The following ABCC9 variants were observed in gnomAD, a reference collection of about 807,000 sequenced individuals.
The protein encoded by ABCC9 is ATP binding cassette subfamily C member 9, also known as ATP-binding cassette sub-family C member 9.
In ABCC9, 95 loss-of-function variants were observed where a neutral mutation model predicts 188.3. That is an observed-to-expected ratio of 0.50 (90% CI 0.43 to 0.60). The LOEUF is 0.60. Ranked by LOEUF, ABCC9 falls within the 20% of genes least tolerant of loss-of-function variation. ABCC9 has a pLI of 0.00. For synonymous variants in ABCC9, 659 were observed against 652.7 expected, an observed-to-expected ratio of 1.01 and a Z score of -0.15; for missense variants, 1,102 against 1,876.3, an observed-to-expected ratio of 0.59 and a Z score of 7.62.
chr12:21,806,448 A>G (rs949705964), intron 38 of ABCC9, among the ~76,000 whole-genome samples: 2 of 152,186 alleles, frequency 1.3e-5, no homozygotes, highest in South Asian at 2.1e-4. Context: ...AATTGATGCC[A>G]AAAATTTGGA....
rs560306155 is a variant in ABCC9 at position 21,801,893 on chromosome 12, C to A, written c.4513-712G>T. Among the ~76,000 whole-genome samples the A allele has an allele frequency of 3.5e-4, 54 of 152,252 alleles. No homozygotes were observed. In the South Asian group the frequency reaches 0.011, roughly 32 times the overall value. ...ATGTCTCTCCACTTTATAGGGGAGA[C>A]CATTCACAGAGATAAAGCAAAATCA... On this transcript the variant is annotated intron_variant, in intron 39 of 39. Coordinates refer to ENST00000261200, the MANE Select transcript of ABCC9 (RefSeq NM_020297.4).
chr12:21,827,830 A>G (rs1389147914), intron 31 of ABCC9, among the ~76,000 whole-genome samples: 35 of 152,240 alleles, frequency 2.3e-4, no homozygotes, highest in Admixed American at 2.2e-3. Context: ...TAATTTCTAC[A>G]TAATGACTAA....
rs796171766 is a variant in ABCC9 at position 21,824,942 on chromosome 12, TTTTTGTTGATCTA to T, written c.3669+4003_3669+4015del. Among the ~76,000 whole-genome samples the T allele has an allele frequency of 2.3e-4, 30 of 132,996 alleles. 1 individual carries two copies. In the South Asian group the frequency reaches 7.5e-3, roughly 33 times the overall value. The allele number at this position is 132,996 out of a possible 152,430, so 87.3% of individuals were successfully genotyped here. A position where few individuals can be genotyped will look rare whatever the true frequency, so the allele number is the denominator to read the frequency against. ...TTTTGTTGATCTTTTTTGTTGATCT[TTTTTGTTGATCTA>T]TTTTGTTGATCTTTTCAAAAAACCA... is the stretch of plus-strand genomic sequence containing the variant. On this transcript the variant is annotated intron_variant, in intron 31 of 39. Transcript: ENST00000261200.
In ABCC9 at chr12:21,844,782, A is replaced by T. The variant is rs1301683202; in HGVS notation, c.3230T>A (p.Ile1077Asn). ...NLHHNLLNKIILGPIRFFDTT... is the reference protein window; with the variant it reads ...NLHHNLLNKINLGPIRFFDTT... Reference sequence around the variant, plus strand: ...ACTGTTTTACCTTATTGGTCCAAGGATTATCTTATTGAGAAGGTTGTGGTG... The same window carrying T: ...ACTGTTTTACCTTATTGGTCCAAGGTTTATCTTATTGAGAAGGTTGTGGTG... Residue 1077 changes from isoleucine (I) to asparagine (N), a missense_variant, in exon 27 of 40, where the codon ATC (isoleucine) becomes AAC (asparagine). Coordinates refer to ENST00000261200, the MANE Select transcript of ABCC9 (RefSeq NM_020297.4). 6.2e-7 allele frequency: 1 copy of T among 1,613,960 alleles called. No individual in the cohort carries two copies. The highest frequency in any genetic ancestry group is 8.5e-7 in the Non-Finnish European group (1 of 1,179,864).
chr12:21,885,793 A>G (rs1050955972), intron 15 of ABCC9, among the ~76,000 whole-genome samples: 4 of 152,144 alleles, frequency 2.6e-5, no homozygotes, highest in Non-Finnish European at 5.9e-5. Context: ...AAAAACAAAA[A>G]CAAAAACAAA....
rs899569122 is a variant in ABCC9 at position 21,910,160 on chromosome 12, A to C, written c.1317T>G (p.Val439=). 2 of 1,609,916 alleles carry C rather than the reference A, an allele frequency of 1.2e-6. No individual in the cohort carries two copies. Among genetic ancestry groups the C allele is most frequent in the African/African-American group, 2.7e-5 (2 of 74,756 alleles). ...TTACTTATATTTATCTACCTACCTG[A>C]ACAGGCATAGCCCATAGATTGGGAC... ...FLCPNLWAMP[V]QIIMGVILLY... is the part of the protein sequence containing the mutation. The change falls in exon 10 of 40, where the codon GTT becomes GTG. Residue 439 remains valine, a synonymous_variant. Transcript: ENST00000261200.
At chr12:21,913,495 T>A (rs1221703670) in intron 7 of ABCC9, among the ~76,000 whole-genome samples, 1 of 152,164 alleles carries the variant, frequency 6.6e-6, no homozygotes, top group Non-Finnish European at 1.5e-5. Context: ...GGTCAAGACT[T>A]TTGGAGTTAC....
At position 21,852,084 on chromosome 12, in the gene ABCC9, T is replaced by C. The variant is rs771938422; in HGVS notation, c.2769+13A>G. On this transcript the variant is annotated intron_variant, in intron 24 of 39. Transcript: ENST00000261200. ...AATTGGGCTCTGAACTCTTCTGAAC[T>C]ATGAGCACTTACCTTTTCTAATTCT... 37 of 1,613,424 alleles carry C rather than the reference T, an allele frequency of 2.3e-5. No individual in the cohort carries two copies. The highest frequency in any genetic ancestry group is 3.1e-5 in the Non-Finnish European group (36 of 1,179,794).
chr12:21,801,690 C>T (rs1254395041), intron 39 of ABCC9, among the ~76,000 whole-genome samples: 11 of 152,210 alleles, frequency 7.2e-5, no homozygotes, highest in Admixed American at 5.9e-4. Flanking sequence ...TTTAGACATG[C>T]AGTCTCAGTC....
intron 17 of ABCC9, among the ~76,000 whole-genome samples, chr12:21,875,059 A>G (rs1015336753): frequency 1.4e-5 from 2 of 145,822 alleles, no homozygotes; most frequent in Admixed American, 1.4e-4. Flanking sequence ...TCTCATGTTA[A>G]GTGTTCTTCC....
intron 39 of ABCC9, among the ~76,000 whole-genome samples, chr12:21,803,649 C>CT (rs1372182102): frequency 1.5e-5 from 2 of 129,604 alleles, no homozygotes; most frequent in Non-Finnish European, 3.2e-5. Flanking sequence ...GAGTGAAACT[C>CT]TGTCTCCAAA....
At chr12:21,929,647 A>C (rs1045036975) in intron 4 of ABCC9, among the ~76,000 whole-genome samples, 4 of 152,130 alleles carry the variant, frequency 2.6e-5, no homozygotes, top group Non-Finnish European at 5.9e-5. Flanking sequence ...AGTCTCCATT[A>C]GTTGTCATTA....
intron 4 of ABCC9, among the ~76,000 whole-genome samples, chr12:21,927,955 T>G (rs1249244912): frequency 6.6e-6 from 1 of 152,098 alleles, no homozygotes; most frequent in Non-Finnish European, 1.5e-5. Context: ...CGTGGTGGCT[T>G]ACGCTTGCAA....
At chr12:21,890,336 C>T (rs573805918) in intron 14 of ABCC9, among the ~76,000 whole-genome samples, 46 of 152,224 alleles carry the variant, frequency 3.0e-4, no homozygotes, top group African/African-American at 1.1e-3. Flanking sequence ...AGTTTACTCT[C>T]GAGCTTCATG....
intron 5 of ABCC9, chr12:21,925,683 AC>A (rs1342608925): frequency 4.9e-6 from 3 of 615,676 alleles, no homozygotes; most frequent in South Asian, 1.9e-5. Flanking sequence ...TTCTTCCCCC[AC>A]CCCCCTACAC....
At chr12:21,901,692 C>T (rs1253111676) in intron 12 of ABCC9, among the ~76,000 whole-genome samples, 1 of 152,042 alleles carries the variant, frequency 6.6e-6, no homozygotes, top group Non-Finnish European at 1.5e-5. Context: ...CCAACAAGAT[C>T]AAAAGAGACA....
intron 24 of ABCC9, among the ~76,000 whole-genome samples, chr12:21,848,975 C>A (rs145230146): frequency 5.3e-5 from 8 of 152,248 alleles, no homozygotes; most frequent in Non-Finnish European, 1.0e-4. Context: ...TGCCCTGCTT[C>A]CAACACACCA....
At chr12:21,868,878 A>G (rs12320706) in intron 18 of ABCC9, among the ~76,000 whole-genome samples, 2,340 of 152,268 alleles carry the variant, frequency 0.015, 63 homozygotes, top group African/African-American at 0.053. Context: ...ATATGCCTTT[A>G]TTGGACTGGG....
intron 15 of ABCC9, among the ~76,000 whole-genome samples, chr12:21,887,072 G>A (rs1304968803): frequency 2.0e-5 from 3 of 152,032 alleles, no homozygotes; most frequent in African/African-American, 7.2e-5. Flanking sequence ...TGACAGGAAG[G>A]ATATCACATG....
Sources: allele counts gnomAD v4.1 joint callset (sites outside exome capture counted in the v4.1 genomes callset), GRCh38; gene constraint gnomAD v4.1.1; transcripts MANE v1.5; gene names NCBI Gene and HGNC (gene_info 2026-07-23, HGNC 2026-07-21).